FANCM: variants seen among roughly 807,000 people sequenced by gnomAD.
FANCM encodes FA complementation group M.
Under a neutral mutation model 199.5 loss-of-function variants are expected in FANCM, and 140 were observed. The observed-to-expected ratio is 0.70, with a 90% CI of 0.61 to 0.81. The LOEUF (loss-of-function observed/expected upper bound fraction) is 0.81, where lower values mean the gene tolerates loss of function less well. Ranked by LOEUF, FANCM falls within the 30% of genes least tolerant of loss-of-function variation. The pLI, the probability that FANCM is intolerant of heterozygous loss-of-function variation, is 0.00. For missense variants in FANCM, 2,410 were observed against 2,421.4 expected (o/e 1.00, Z 0.10); for synonymous variants, 840 against 836.8 (o/e 1.00, Z -0.07).
chr14:45,187,755 TTATC>T lies in FANCM; in HGVS notation c.4673-23_4673-20del, dbSNP rs1889496340. ...TTTTCATTTAAATAATTTTGCTAAT[TTATC>T]TAAATTCTTATCTTTACACAGATTC... is the stretch of plus-strand genomic sequence containing the variant. On this transcript the variant is annotated intron_variant, in intron 18 of 22. Transcript: ENST00000267430. 3.5e-6 allele frequency: 4 copies of T among 1,128,786 alleles called. No homozygotes were observed. The East Asian group carries it at 9.5e-5, about 27-fold the overall frequency. 69.9% of individuals were successfully genotyped at this position (1,128,786 alleles called of 1,614,324 possible). A position where few individuals can be genotyped will look rare whatever the true frequency, so the allele number is the denominator to read the frequency against.
chr14:45,138,556 C>T (rs1885689045), intron 2 of FANCM, among the ~76,000 whole-genome samples: 1 of 151,884 alleles, frequency 6.6e-6, no homozygotes. Context: ...TAGCTTGAGG[C>T]CAGGAGTTTG....
intron 4 of FANCM, 130 bp downstream of exon 4, chr14:45,149,125 T>C (rs2139152730): frequency 1.2e-6 from 1 of 858,954 alleles, no homozygotes; most frequent in South Asian, 1.7e-5. Flanking sequence ...AAAAAATTCT[T>C]TGAAGTTAAA....
chr14:45,185,384 T>A lies in FANCM; in HGVS notation c.4672+11T>A. 6.6e-7 allele frequency: 1 copy of A among 1,505,808 alleles called. No individual in the cohort carries two copies. Among genetic ancestry groups the A allele is most frequent in the Non-Finnish European group, 9.1e-7 (1 of 1,103,422 alleles). The allele number at this position is 1,505,808 out of a possible 1,614,324, so 93.3% of individuals were successfully genotyped here. The stretch of plus-strand genomic sequence containing the variant: ...CACAGGCTATAAATGGTAAATGTTA[T>A]AATGATCCTTAAAATTTTTTTCAAT... On this transcript the variant is annotated intron_variant, in intron 18 of 22. Transcript: ENST00000267430.
rs1240866244 is a variant in FANCM, at chr14:45,200,015, T to C, written c.*7T>C. On this transcript the variant is annotated 3_prime_UTR_variant, in exon 23 of 23. Transcript: ENST00000267430. ...ACTGAAATCTGATATATAATCAAGC[T>C]GCTCAAGATGGGGTTTTCAAAGACC... 6.2e-7 allele frequency: 1 copy of C among 1,603,176 alleles called. No homozygotes were observed. Among genetic ancestry groups the C allele is most frequent in the South Asian group, 1.1e-5 (1 of 90,686 alleles).
chr14:45,147,492 A>T (rs1305769540), intron 3 of FANCM, among the ~76,000 whole-genome samples: 1 of 152,006 alleles, frequency 6.6e-6, no homozygotes, highest in African/African-American at 2.4e-5. Context: ...TATGTTGCCC[A>T]GGGTGGTTTC....
intron 17 of FANCM, among the ~76,000 whole-genome samples, chr14:45,184,184 ATTAGAAATTTGAGT>A: frequency 6.6e-6 from 1 of 152,310 alleles, no homozygotes. Flanking sequence ...AAAATATAGA[ATTAGAAATTTGAGT>A]TTTAAGATGT....
chr14:45,159,434 A>G (rs1403591698), intron 9 of FANCM, among the ~76,000 whole-genome samples, 154 bp downstream of exon 9: 1 of 152,180 alleles, frequency 6.6e-6, no homozygotes, highest in Non-Finnish European at 1.5e-5. Flanking sequence ...TTGAAAGATG[A>G]TAACAAATGT....
In FANCM at chr14:45,136,385, C is replaced by T. The variant is rs773964482; in HGVS notation, c.354C>T (p.Thr118=). The T allele has an allele frequency of 9.3e-6, 15 of 1,614,170 alleles. No individual in the cohort carries two copies. The highest frequency in any genetic ancestry group is 1.2e-5 in the Non-Finnish European group (14 of 1,180,022). ...LVCLPTGLGK[T]FIAAVVMYNF... Reference sequence around the variant, plus strand: ...GTCTGCCTACCGGACTGGGAAAGACCTTTATTGCCGCCGTGGTCATGTACA... The same window carrying T: ...GTCTGCCTACCGGACTGGGAAAGACTTTTATTGCCGCCGTGGTCATGTACA... The change falls in exon 1 of 23, where the codon ACC becomes ACT. Residue 118 remains threonine (T), a synonymous_variant. Coordinates refer to ENST00000267430, the MANE Select transcript of FANCM (RefSeq NM_020937.4).
intron 5 of FANCM, 129 bp from the exon 6 acceptor site, chr14:45,153,791 G>A: frequency 1.3e-6 from 1 of 794,496 alleles, no homozygotes; most frequent in South Asian, 1.4e-5. Context: ...CAGTGTAGAA[G>A]GGAATGATGA....
intron 14 of FANCM, among the ~76,000 whole-genome samples, chr14:45,178,326 C>A (rs989905150): frequency 3.9e-5 from 6 of 152,070 alleles, no homozygotes; most frequent in Non-Finnish European, 7.3e-5. Context: ...TGCTTTAATA[C>A]CTCTATATGA....
intron 9 of FANCM, among the ~76,000 whole-genome samples, chr14:45,161,369 G>C (rs562921490): frequency 6.6e-6 from 1 of 152,172 alleles, no homozygotes; most frequent in African/African-American, 2.4e-5. Context: ...GGGGGGGCCA[G>C]ATCCTTTAGG....
intron 2 of FANCM, 151 bp downstream of exon 2, chr14:45,137,392 CTG>C: frequency 1.5e-6 from 1 of 652,632 alleles, no homozygotes; most frequent in South Asian, 1.8e-5. Flanking sequence ...TAAAGAATAT[CTG>C]TACTTTCTGT....
intron 2 of FANCM, among the ~76,000 whole-genome samples, chr14:45,139,799 CT>C (rs1342955444): frequency 6.6e-6 from 1 of 152,066 alleles, no homozygotes; most frequent in African/African-American, 2.4e-5. Context: ...CAGGGTGACT[CT>C]GCCTCTACAG....
At chr14:45,184,499 T>C (rs548604717) in intron 17 of FANCM, among the ~76,000 whole-genome samples, 1 of 151,880 alleles carries the variant, frequency 6.6e-6, no homozygotes, top group Non-Finnish European at 1.5e-5. Context: ...CTGTCTCTAC[T>C]AAAAATACAA....
intron 11 of FANCM, among the ~76,000 whole-genome samples, chr14:45,169,496 G>A (rs1055633153): frequency 1.3e-5 from 2 of 151,500 alleles, no homozygotes; most frequent in Admixed American, 6.6e-5. Context: ...TCAACTCCTG[G>A]GCTTAAGAGA....
intron 13 of FANCM, among the ~76,000 whole-genome samples, chr14:45,174,386 A>T (rs1357818379): frequency 1.5e-5 from 2 of 130,418 alleles, no homozygotes; most frequent in African/African-American, 7.0e-5. Context: ...GACTTTGTCT[A>T]AAAAAAAAAA....
At chr14:45,143,423 C>T (rs1175354564) in intron 3 of FANCM, among the ~76,000 whole-genome samples, 2 of 152,004 alleles carry the variant, frequency 1.3e-5, no homozygotes, top group African/African-American at 4.8e-5. Flanking sequence ...TCAAGTGATC[C>T]ACCTGTCTCA....
chr14:45,196,072 C>G (rs1890037681), intron 20 of FANCM, 100 bp from the exon 21 acceptor site: 17 of 1,267,102 alleles, frequency 1.3e-5, no homozygotes, highest in Non-Finnish European at 2.0e-5. Context: ...AGGACGAAAA[C>G]TGGACATTCT....
At chr14:45,146,263 TTG>T (rs1199471057) in intron 3 of FANCM, among the ~76,000 whole-genome samples, 2 of 132,926 alleles carry the variant, frequency 1.5e-5, no homozygotes, top group African/African-American at 5.6e-5. Context: ...AAAAAAAGGA[TTG>T]TGTTTCCTAC....
Sources: allele counts gnomAD v4.1 joint callset (sites outside exome capture counted in the v4.1 genomes callset), GRCh38; gene constraint gnomAD v4.1.1; transcripts MANE v1.5; gene names NCBI Gene and HGNC (gene_info 2026-07-23, HGNC 2026-07-21).